Variants in LRRC1 observed in about 807,000 individuals in gnomAD.
LRRC1 encodes the protein leucine rich repeat containing 1, also known as leucine-rich repeat-containing protein 1.
Under a neutral mutation model 69.9 loss-of-function variants are expected in LRRC1, and 28 were observed. The observed-to-expected ratio is 0.40, with a 90% CI of 0.30 to 0.55. LRRC1 has a LOEUF of 0.55. LRRC1 is among the 20% of genes least tolerant of loss of function. LRRC1 has a pLI of 0.47. For missense variants in LRRC1, 498 were observed against 609.0 expected (o/e 0.82, Z 1.92); for synonymous variants, 236 against 240.2 (o/e 0.98, Z 0.16).
chr6:53,854,405 T>A (rs1414521368), intron 2 of LRRC1, among the ~76,000 whole-genome samples: 1 of 152,218 alleles, frequency 6.6e-6, no homozygotes, highest in Non-Finnish European at 1.5e-5. Flanking sequence ...TAGTGAAATA[T>A]AAAGAAACAT....
intron 1 of LRRC1, among the ~76,000 whole-genome samples, chr6:53,826,826 A>C (rs970207850): frequency 6.6e-6 from 1 of 151,748 alleles, no homozygotes. Flanking sequence ...TTAATAGCTG[A>C]GACTTTTTTT....
chr6:53,834,851 A>G (rs762469086), intron 1 of LRRC1, among the ~76,000 whole-genome samples: 1 of 152,136 alleles, frequency 6.6e-6, no homozygotes, highest in Non-Finnish European at 1.5e-5. Flanking sequence ...AGTCCCAGCT[A>G]CTCGGGACGC....
chr6:53,841,120 C>A (rs918841477), intron 1 of LRRC1, among the ~76,000 whole-genome samples: 1 of 152,168 alleles, frequency 6.6e-6, no homozygotes, highest in African/African-American at 2.4e-5. Flanking sequence ...ACTGACCAGG[C>A]TTTGTCTCAG....
At chr6:53,845,663 T>C (rs939262923) in intron 2 of LRRC1, among the ~76,000 whole-genome samples, 2 of 152,226 alleles carry the variant, frequency 1.3e-5, no homozygotes, top group African/African-American at 2.4e-5. Context: ...GTTTTGGCCA[T>C]GGAGGAGAAA....
intron 4 of LRRC1, among the ~76,000 whole-genome samples, chr6:53,893,336 A>G (rs911342301): frequency 5.9e-5 from 9 of 152,202 alleles, no homozygotes; most frequent in Admixed American, 3.3e-4. Context: ...GCAGGATTCA[A>G]GCCTGGGCCC....
intron 1 of LRRC1, among the ~76,000 whole-genome samples, chr6:53,821,281 T>C (rs1225533106): frequency 2.0e-5 from 3 of 152,248 alleles, no homozygotes; most frequent in Non-Finnish European, 4.4e-5. Flanking sequence ...CAGAGCTGCA[T>C]ATGACTTTTC....
At chr6:53,876,221 T>C (rs1345832495) in intron 2 of LRRC1, among the ~76,000 whole-genome samples, 2 of 152,150 alleles carry the variant, frequency 1.3e-5, no homozygotes, top group African/African-American at 4.8e-5. Context: ...CTCCCCCTTA[T>C]AATAACTATC....
intron 2 of LRRC1, among the ~76,000 whole-genome samples, chr6:53,848,503 CTT>C (rs1277453321): frequency 2.0e-5 from 3 of 152,170 alleles, no homozygotes; most frequent in African/African-American, 7.2e-5. Context: ...ACATATGTCT[CTT>C]TTGATGAGTA....
At chr6:53,900,028 T>G (rs1768001538) in intron 8 of LRRC1, 137 bp downstream of exon 8, 1 of 200,664 alleles carries the variant, frequency 5.0e-6, no homozygotes, top group Non-Finnish European at 7.0e-6. Context: ...CTGTTTTTTT[T>G]TTTTTTTTTT....
chr6:53,839,655 A>C lies in LRRC1; in HGVS notation c.160-2455A>C, dbSNP rs192660914. Among the ~76,000 whole-genome samples the C allele has an allele frequency of 2.0e-3, 298 of 152,172 alleles. 4 individuals are homozygous for C. In the East Asian group the frequency reaches 0.041, roughly 21 times the overall value. On this transcript the variant is annotated intron_variant, in intron 1 of 13. Transcript: ENST00000370888. Reference sequence around the variant, plus strand: ...TTCTTTTTGTGGAAGATGAGGCTTTAGTTCTTACAGTTTCTTTCCCATTCT... The same window carrying C: ...TTCTTTTTGTGGAAGATGAGGCTTTCGTTCTTACAGTTTCTTTCCCATTCT...
chr6:53,816,819 A>G lies in LRRC1; in HGVS notation c.159+21404A>G, dbSNP rs147505794. Among the ~76,000 whole-genome samples the G allele has an allele frequency of 2.8e-3, 422 of 152,344 alleles. 3 individuals are homozygous for G. Among genetic ancestry groups the G allele is most frequent in the African/African-American group, 9.6e-3 (398 of 41,586 alleles). ...TTGTGAATACTTTCGTATATGCCGA[A>G]CAATCTGAAAGTCGGAACCTCCGCT... On this transcript the variant is annotated intron_variant, in intron 1 of 13. Coordinates refer to ENST00000370888, the MANE Select transcript of LRRC1 (RefSeq NM_018214.5).
chr6:53,872,751 TC>T (rs1202598842), intron 2 of LRRC1, among the ~76,000 whole-genome samples: 3 of 142,274 alleles, frequency 2.1e-5, no homozygotes, highest in South Asian at 4.4e-4. Flanking sequence ...TTTTCTTTTC[TC>T]TTTTTTTTTT....
intron 13 of LRRC1, 34 bp downstream of exon 13, chr6:53,920,795 G>T (rs780544635): frequency 1.2e-6 from 2 of 1,612,358 alleles, no homozygotes; most frequent in South Asian, 2.2e-5. Flanking sequence ...CTCTGTGGAA[G>T]TTCAAAATTA....
intron 4 of LRRC1, among the ~76,000 whole-genome samples, chr6:53,885,574 A>G (rs1343022349): frequency 3.9e-5 from 6 of 152,206 alleles, no homozygotes; most frequent in Admixed American, 1.3e-4. Context: ...TCAGATGGGT[A>G]AACCACATTA....
intron 3 of LRRC1, 93 bp from the exon 4 acceptor site, chr6:53,882,794 A>G (rs1231659129): frequency 1.1e-5 from 8 of 707,638 alleles, no homozygotes; most frequent in Non-Finnish European, 1.8e-5. Context: ...TATTTCAGTT[A>G]GCACATAGAA....
chr6:53,814,420 T>C (rs1210111919), intron 1 of LRRC1, among the ~76,000 whole-genome samples: 1 of 152,242 alleles, frequency 6.6e-6, no homozygotes, highest in Non-Finnish European at 1.5e-5. Flanking sequence ...CCTACACATA[T>C]CTGTCCATTA....
chr6:53,882,838 A>G (rs1363633806), intron 3 of LRRC1, 49 bp from the exon 4 acceptor site: 1 of 1,154,112 alleles, frequency 8.7e-7, no homozygotes. Context: ...TATACACTAT[A>G]CATGAACTTT....
intron 2 of LRRC1, among the ~76,000 whole-genome samples, chr6:53,872,562 A>T (rs1225613409): frequency 6.6e-6 from 1 of 151,910 alleles, no homozygotes; most frequent in Non-Finnish European, 1.5e-5. Context: ...GTCAGGTAGT[A>T]TGTTGCTTCC....
At chr6:53,902,999 T>A (rs1448952632) in intron 9 of LRRC1, among the ~76,000 whole-genome samples, 1 of 152,158 alleles carries the variant, frequency 6.6e-6, no homozygotes, top group African/African-American at 2.4e-5. Flanking sequence ...CACAGATGTC[T>A]CCAGTGAGGT....
Sources: gnomAD v4.1 joint callset for allele counts (sites outside exome capture counted in the v4.1 genomes callset) on GRCh38, gnomAD v4.1.1 for gene constraint, MANE v1.5 for transcripts, NCBI Gene and HGNC (gene_info 2026-07-23, HGNC 2026-07-21) for gene names.